Variants in MARCHF1 observed in about 807,000 individuals in gnomAD.
MARCHF1 encodes membrane associated ring-CH-type finger 1, also known as E3 ubiquitin-protein ligase MARCHF1.
A neutral mutation model predicts 54.2 loss-of-function variants in MARCHF1; 40 were observed. The ratio of observed to expected loss-of-function variants is 0.74; its 90% CI spans 0.57 to 0.96. The LOEUF is 0.96. MARCHF1 is among the 40% of genes least tolerant of loss of function. The probability of loss-of-function intolerance (pLI) is 0.00; values close to 1 mark genes in which losing one functional copy is unlikely to be tolerated. For synonymous variants in MARCHF1, 236 were observed against 236.3 expected, an observed-to-expected ratio of 1.00 and a Z score of 0.01; for missense variants, 586 against 656.5, an observed-to-expected ratio of 0.89 and a Z score of 1.17.
chr4:163,973,203 C>T (rs571345917), intron 3 of MARCHF1, among the ~76,000 whole-genome samples: 1 of 152,188 alleles, frequency 6.6e-6, no homozygotes, highest in Non-Finnish European at 1.5e-5. Flanking sequence ...ATTTCTGTTG[C>T]TGTATAACAA....
intron 4 of MARCHF1, among the ~76,000 whole-genome samples, chr4:163,841,992 A>G (rs926350063): frequency 2.6e-5 from 4 of 152,162 alleles, no homozygotes; most frequent in Non-Finnish European, 5.9e-5. Flanking sequence ...CTATGGTGAT[A>G]TAAAAATAAT....
At chr4:163,595,361 A>T (rs1740731273) in intron 7 of MARCHF1, among the ~76,000 whole-genome samples, 1 of 151,992 alleles carries the variant, frequency 6.6e-6, no homozygotes, top group Admixed American at 6.6e-5. Context: ...ATAAAATAAA[A>T]AAAAAATTAG....
intron 1 of MARCHF1, among the ~76,000 whole-genome samples, chr4:164,215,081 A>G (rs916543305): frequency 2.8e-4 from 42 of 152,176 alleles, no homozygotes; most frequent in African/African-American, 1.0e-3. Flanking sequence ...CATCAGCTCA[A>G]TTAGACCCTT....
At position 163,893,150 on chromosome 4, in the gene MARCHF1, T is replaced by A. The variant is rs970474152; in HGVS notation, c.-38-38981A>T. On this transcript the variant is annotated intron_variant, in intron 3 of 9. Transcript: ENST00000514618. ...CAACCTTACATACTTTAAAAAAAAT[T>A]TTTTTTTGAGATGGAGTCTCACTCT... Among the ~76,000 whole-genome samples the A allele has an allele frequency of 1.3e-4, 20 of 151,730 alleles. 1 individual carries two copies. Among genetic ancestry groups the A allele is most frequent in the Admixed American group, 3.3e-4 (5 of 15,192 alleles).
chr4:164,275,420 T>C (rs1285767884), intron 1 of MARCHF1, among the ~76,000 whole-genome samples: 1 of 152,174 alleles, frequency 6.6e-6, no homozygotes, highest in East Asian at 1.9e-4. Flanking sequence ...GCTGCACTTA[T>C]TTTTTATTCT....
At chr4:163,790,148 A>T (rs183884443) in intron 4 of MARCHF1, among the ~76,000 whole-genome samples, 1 of 152,206 alleles carries the variant, frequency 6.6e-6, no homozygotes, top group East Asian at 1.9e-4. Context: ...TGGCAGTCAT[A>T]TGAGAAAGAA....
chr4:164,312,410 C>T (rs1454474032), intron 1 of MARCHF1, among the ~76,000 whole-genome samples: 2 of 150,256 alleles, frequency 1.3e-5, no homozygotes, highest in African/African-American at 4.9e-5. Context: ...GCAAGCTCCG[C>T]CTCCCGGGTT....
intron 2 of MARCHF1, among the ~76,000 whole-genome samples, chr4:164,024,361 G>A (rs1298369422): frequency 1.3e-5 from 2 of 152,034 alleles, no homozygotes; most frequent in East Asian, 1.9e-4. Flanking sequence ...ATATACCAAG[G>A]GAACCCCCAT....
intron 2 of MARCHF1, among the ~76,000 whole-genome samples, chr4:164,011,988 A>C (rs560800704): frequency 2.8e-4 from 42 of 152,290 alleles, no homozygotes; most frequent in African/African-American, 9.4e-4. Context: ...ACAGGGCAGA[A>C]TTCTGAGAGT....
chr4:164,341,233 G>A lies in MARCHF1; in HGVS notation c.-323+42637C>T, dbSNP rs1729918652. Among the ~76,000 whole-genome samples, 5 of 149,632 alleles carry A rather than the reference G, an allele frequency of 3.3e-5. 1 individual carries two copies. Among genetic ancestry groups the A allele is most frequent in the Admixed American group, 3.3e-4 (5 of 15,064 alleles). On this transcript the variant is annotated intron_variant, in intron 1 of 9. Coordinates refer to ENST00000514618, the MANE Select transcript of MARCHF1 (RefSeq NM_001394959.1). ...ATAGAAGTAACATACCTCAGCACAA[G>A]AAATGCCATATATAACAAACCACCA...
chr4:163,575,211 C>G (rs550242803), intron 8 of MARCHF1, among the ~76,000 whole-genome samples: 35 of 152,026 alleles, frequency 2.3e-4, no homozygotes, highest in African/African-American at 7.5e-4. Context: ...AGATATGTCC[C>G]TTTTAAGACT....
At chr4:163,536,656 A>G (rs1340142404) in intron 9 of MARCHF1, among the ~76,000 whole-genome samples, 1 of 152,160 alleles carries the variant, frequency 6.6e-6, no homozygotes, top group Non-Finnish European at 1.5e-5. Context: ...CAGTAAAGCT[A>G]TGCTTTAGAT....
At chr4:164,356,356 G>A (rs1367635309) in intron 1 of MARCHF1, among the ~76,000 whole-genome samples, 1 of 141,584 alleles carries the variant, frequency 7.1e-6, no homozygotes, top group African/African-American at 2.6e-5. Flanking sequence ...GAAAAGACTT[G>A]GAACCAACCC....
At chr4:164,189,354 AT>A in intron 1 of MARCHF1, 3 of 618,610 alleles carry the variant, frequency 4.8e-6, no homozygotes, top group Non-Finnish European at 5.9e-6. Flanking sequence ...CTCAGGCCAA[AT>A]TTTAAGAGCT....
At chr4:164,266,235 T>A (rs1733607977) in intron 1 of MARCHF1, among the ~76,000 whole-genome samples, 1 of 152,200 alleles carries the variant, frequency 6.6e-6, no homozygotes, top group African/African-American at 2.4e-5. Context: ...TGGATACAGG[T>A]CTTGATAGGT....
chr4:163,553,046 A>AAG (rs1553991315), intron 8 of MARCHF1, among the ~76,000 whole-genome samples: 21,352 of 147,064 alleles, frequency 0.15, 1,747 homozygotes, highest in East Asian at 0.32. Flanking sequence ...AAAAAAAAAA[A>AAG]AAAAAGAAGA....
intron 3 of MARCHF1, among the ~76,000 whole-genome samples, chr4:163,912,731 G>A (rs573182830): frequency 7.2e-5 from 11 of 152,112 alleles, no homozygotes; most frequent in Admixed American, 3.9e-4. Flanking sequence ...ATCATATACC[G>A]TGGCTGCATA....
intron 4 of MARCHF1, among the ~76,000 whole-genome samples, chr4:163,739,622 A>T (rs1746141015): frequency 6.6e-6 from 1 of 152,228 alleles, no homozygotes; most frequent in Admixed American, 6.5e-5. Context: ...CTAAAATAGT[A>T]TAAGAGATAA....
intron 1 of MARCHF1, among the ~76,000 whole-genome samples, chr4:164,335,128 T>C (rs1181787272): frequency 6.6e-6 from 1 of 152,202 alleles, no homozygotes; most frequent in Non-Finnish European, 1.5e-5. Flanking sequence ...ATTTAGAGTA[T>C]TACACAAACT....
Sources: gnomAD v4.1 joint callset for allele counts (sites outside exome capture counted in the v4.1 genomes callset) on GRCh38, gnomAD v4.1.1 for gene constraint, MANE v1.5 for transcripts, NCBI Gene and HGNC (gene_info 2026-07-23, HGNC 2026-07-21) for gene names.